Variants in EFHB observed in about 807,000 individuals in gnomAD.
EFHB encodes the protein EF-hand domain-containing family member B.
In EFHB, 91 loss-of-function variants were observed where a neutral mutation model predicts 87.2. That is an observed-to-expected ratio of 1.04 (90% CI 0.88 to 1.24). The LOEUF is 1.24. Among genes scored for constraint, EFHB ranks in the 50% most tolerant of loss-of-function variants. The probability of loss-of-function intolerance (pLI) is 0.00; values close to 1 mark genes in which losing one functional copy is unlikely to be tolerated. For synonymous variants in EFHB, 325 were observed against 333.6 expected, an observed-to-expected ratio of 0.97 and a Z score of 0.28; for missense variants, 1,084 against 998.8, an observed-to-expected ratio of 1.09 and a Z score of -1.15.
chr3:19,905,480 G>GT lies in EFHB; in HGVS notation c.1418+139dup, dbSNP rs148913630. On this transcript the variant is annotated intron_variant, in intron 6 of 12. Transcript: ENST00000295824. ...TGTCAGAAGTGAAATACATTACACT[G>GT]TTTTTTCTATTTTTTTCTAGTCATC... The GT allele has an allele frequency of 7.7e-3, 7,606 of 981,742 alleles. 338 individuals carry two copies. The African/African-American group carries it at 0.1, about 13-fold the overall frequency. The allele number at this position is 981,742 out of a possible 1,614,324, so 60.8% of individuals were successfully genotyped here.
rs556954692 is a variant in EFHB at position 19,916,661 on chromosome 3, C to T, written c.1178-1248G>A. 2.6e-5 allele frequency among the ~76,000 whole-genome samples: 4 copies of T among 152,284 alleles called. 1 individual carries two copies. The East Asian group carries it at 5.8e-4, about 22-fold the overall frequency. ...GGAAAAGATGTTTGTTTAATAGCTG[C>T]ATTCCCATGACTAGTGGTACCCAGT... On this transcript the variant is annotated intron_variant, in intron 4 of 12. Coordinates refer to ENST00000295824, the MANE Select transcript of EFHB (RefSeq NM_144715.4).
rs115016686 is a variant in EFHB, at chr3:19,887,816, A to G, written c.1933+628T>C. Among the ~76,000 whole-genome samples, 1,470 of 152,322 alleles carry G rather than the reference A, an allele frequency of 9.7e-3. 18 individuals are homozygous for G. The highest frequency in any genetic ancestry group is 0.034 in the African/African-American group (1,396 of 41,570). On this transcript the variant is annotated intron_variant, in intron 10 of 12. Coordinates refer to ENST00000295824, the MANE Select transcript of EFHB (RefSeq NM_144715.4). ...ATTATGCTGTTTTTCCTTTTTATAC[A>G]AAATTTTTAAAATCTAATTTTATGT...
chr3:19,910,661 A>G (rs550180254), intron 5 of EFHB, among the ~76,000 whole-genome samples: 1 of 152,172 alleles, frequency 6.6e-6, no homozygotes, highest in Non-Finnish European at 1.5e-5. Flanking sequence ...CAAATGCTAC[A>G]CTAGCTTCAA....
chr3:19,899,508 C>A lies in EFHB; in HGVS notation c.1426G>T (p.Gly476Ter). The change falls in exon 7 of 13, where the codon GGA (glycine) becomes TGA (stop). Residue 476 changes from glycine to a stop codon, truncating the protein, a stop_gained. Coordinates refer to ENST00000295824, the MANE Select transcript of EFHB (RefSeq NM_144715.4). LOFTEE classifies it high-confidence loss of function. The stretch of plus-strand genomic sequence containing the variant: ...GCTCTTTTGGATACAAACTTAGCTC[C>A]TCTTTTCCTGCAAAATTAGAACATT... ...YWLHELQMKRGAKFVSKRADD... is the reference protein window; with the variant it reads ...YWLHELQMKR The A allele has an allele frequency of 6.3e-7, 1 of 1,596,834 alleles. No individual in the cohort carries two copies.
At chr3:19,914,791 A>G (rs75977611) in intron 5 of EFHB, among the ~76,000 whole-genome samples, 5,913 of 152,242 alleles carry the variant, frequency 0.039, 369 homozygotes, top group African/African-American at 0.13. Flanking sequence ...AAAATTAAGC[A>G]TTTAGAATAA....
Position 19,941,759 on chromosome 3 carries a change from A to G in EFHB, c.-32+5160T>C, listed in dbSNP as rs569552189. Among the ~76,000 whole-genome samples, 3 of 151,880 alleles carry G rather than the reference A, an allele frequency of 2.0e-5. No individual in the cohort carries two copies. In the East Asian group the frequency reaches 5.8e-4, roughly 29 times the overall value. On this transcript the variant is annotated intron_variant, in intron 1 of 14. Transcript: ENST00000344838. ...GTAATCCCAGCTACTCGGGAGGCTG[A>G]GGCACAAGAATCGCTTGAACCCGGG...
In EFHB at chr3:19,888,621, G is replaced by A; in HGVS notation, c.1756C>T (p.Leu586=). Residue 586 remains leucine, a synonymous_variant, in exon 10 of 13, where the codon CTG becomes TTG. Coordinates refer to ENST00000295824, the MANE Select transcript of EFHB (RefSeq NM_144715.4). ...TTGGCCTGGTCACAAGCTTCCTGCA[G>A]CTCGTCTTTATCTATCATCCCATCT... ...KGDGMIDKDE[L]QEACDQANLS... 1 of 1,606,810 alleles carries A rather than the reference G, an allele frequency of 6.2e-7. No individual in the cohort carries two copies. The highest frequency in any genetic ancestry group is 1.1e-5 in the South Asian group (1 of 89,270).
At chr3:19,922,579 A>AAAGCCAGCAGCCAGGAGTT (rs1695473171) in intron 1 of EFHB, among the ~76,000 whole-genome samples, 1 of 152,186 alleles carries the variant, frequency 6.6e-6, no homozygotes. Flanking sequence ...TGGGCCCTGG[A>AAAGCCAGCAGCCAGGAGTT]AAGCCAGCAG....
At chr3:19,907,440 T>C (rs936745851) in intron 5 of EFHB, among the ~76,000 whole-genome samples, 7 of 152,190 alleles carry the variant, frequency 4.6e-5, no homozygotes, top group African/African-American at 1.7e-4. Context: ...CCACCATTGT[T>C]ATGGAAATCC....
At chr3:19,885,901 T>G (rs549160266) in intron 10 of EFHB, among the ~76,000 whole-genome samples, 32 of 152,286 alleles carry the variant, frequency 2.1e-4, no homozygotes, top group African/African-American at 7.5e-4. Context: ...CCCACTTTTC[T>G]CCAAAAGTCA....
chr3:19,879,510 A>G lies in EFHB; in HGVS notation c.*121T>C. 1 of 1,019,868 alleles carries G rather than the reference A, an allele frequency of 9.8e-7. No individual in the cohort carries two copies. Among genetic ancestry groups the G allele is most frequent in the Non-Finnish European group, 1.4e-6 (1 of 730,376 alleles). The allele number at this position is 1,019,868 out of a possible 1,614,324, so 63.2% of individuals were successfully genotyped here. ...AATCTAATTTATTAGCAACACATACAGGCATATGAGTCTTACCACTGTGAA... is the reference window on the plus strand; with the variant it reads ...AATCTAATTTATTAGCAACACATACGGGCATATGAGTCTTACCACTGTGAA... On this transcript the variant is annotated 3_prime_UTR_variant, in exon 13 of 13. Transcript: ENST00000295824.
At chr3:19,880,470 T>C (rs1413945661) in intron 12 of EFHB, among the ~76,000 whole-genome samples, 1 of 152,124 alleles carries the variant, frequency 6.6e-6, no homozygotes, top group Non-Finnish European at 1.5e-5. Context: ...CAGGCTGGTC[T>C]TGAACTCCTG....
chr3:19,938,013 G>C (rs780682912), upstream of EFHB, among the ~76,000 whole-genome samples: 4 of 152,186 alleles, frequency 2.6e-5, no homozygotes, highest in Non-Finnish European at 4.4e-5. Flanking sequence ...AGTAGTGAGA[G>C]AGGTGGAAGA....
At chr3:19,896,873 A>C (rs574118412) in intron 8 of EFHB, 32 bp from the exon 9 acceptor site, 1 of 1,528,636 alleles carries the variant, frequency 6.5e-7, no homozygotes, top group African/African-American at 1.4e-5. Flanking sequence ...TTTTACATAA[A>C]TTTAAAGTCT....
chr3:19,916,934 A>G (rs1412987098), intron 4 of EFHB, among the ~76,000 whole-genome samples: 1 of 152,218 alleles, frequency 6.6e-6, no homozygotes, highest in Non-Finnish European at 1.5e-5. Flanking sequence ...ACTTAATAAT[A>G]CAGATATATA....
Position 19,898,844 on chromosome 3 carries a change from T to G in EFHB, c.1504A>C (p.Ile502Leu). Residue 502 changes from isoleucine to leucine, a missense_variant and splice_region_variant, in exon 8 of 13, where the codon ATT becomes CTT. Ile to Leu is a conservative substitution (Grantham distance 5, BLOSUM62 2). Coordinates refer to ENST00000295824, the MANE Select transcript of EFHB (RefSeq NM_144715.4). ...QHKLGRVLDP[I>L]AETMNVPPDC... Reference sequence around the variant, plus strand: ...GGGGGAACATTCATTGTTTCTGCAATGCTATCAAAGAAAACAAATCCTTAG... The same window carrying G: ...GGGGGAACATTCATTGTTTCTGCAAGGCTATCAAAGAAAACAAATCCTTAG... The G allele has an allele frequency of 6.2e-7, 1 of 1,613,680 alleles. No homozygotes were observed.
chr3:19,885,096 C>T (rs1172072917), intron 10 of EFHB, among the ~76,000 whole-genome samples: 1 of 151,942 alleles, frequency 6.6e-6, no homozygotes, highest in Admixed American at 6.6e-5. Flanking sequence ...GTGGCAGGCG[C>T]CTGTAACCCC....
At chr3:19,897,249 G>C (rs1031658161) in intron 8 of EFHB, among the ~76,000 whole-genome samples, 3 of 152,332 alleles carry the variant, frequency 2.0e-5, no homozygotes, top group Middle Eastern at 3.4e-3. Context: ...TGACTAAACT[G>C]GGAGAGCCTT....
intron 3 of EFHB, 108 bp downstream of exon 3, chr3:19,919,725 A>C: frequency 8.7e-7 from 1 of 1,152,348 alleles, no homozygotes; most frequent in South Asian, 1.6e-5. Context: ...CCTAGTAAAA[A>C]TATGGGTGGG....
Sources: allele counts gnomAD v4.1 joint callset (sites outside exome capture counted in the v4.1 genomes callset), GRCh38; gene constraint gnomAD v4.1.1; transcripts MANE v1.5; gene names NCBI Gene and HGNC (gene_info 2026-07-23, HGNC 2026-07-21).